Variants in RAD51B observed in about 807,000 individuals in gnomAD.
RAD51B encodes DNA repair protein RAD51 homolog 2.
In RAD51B, 38 loss-of-function variants were observed where a neutral mutation model predicts 42.2. The ratio of observed to expected loss-of-function variants is 0.90; its 90% CI spans 0.70 to 1.18. RAD51B has a LOEUF of 1.18. Among genes scored for constraint, RAD51B ranks in the 50% most tolerant of loss-of-function variants. The pLI is 0.00. For synonymous variants in RAD51B, 154 were observed against 145.2 expected (o/e 1.06, Z -0.43); for missense variants, 373 against 400.7 (o/e 0.93, Z 0.59).
At chr14:68,022,771 C>G (rs1234490887) in intron 7 of RAD51B, among the ~76,000 whole-genome samples, 1 of 151,988 alleles carries the variant, frequency 6.6e-6, no homozygotes, top group African/African-American at 2.4e-5. Flanking sequence ...AGCATAATAC[C>G]TAATAGGCAC....
At chr14:68,323,150 G>T (rs183408867) in intron 8 of RAD51B, among the ~76,000 whole-genome samples, 93 of 152,262 alleles carry the variant, frequency 6.1e-4, no homozygotes, top group Non-Finnish European at 8.5e-4. Flanking sequence ...CCAAAGACAG[G>T]AGCGCCCAGG....
intron 10 of RAD51B, among the ~76,000 whole-genome samples, chr14:68,646,120 A>C (rs955917971): frequency 1.3e-5 from 2 of 152,102 alleles, no homozygotes; most frequent in African/African-American, 4.8e-5. Context: ...ATTCCCAGGA[A>C]TGAAATTAAT....
intron 7 of RAD51B, among the ~76,000 whole-genome samples, chr14:67,946,095 T>C (rs2045381493): frequency 1.3e-5 from 2 of 152,156 alleles, no homozygotes; most frequent in Admixed American, 1.3e-4. Flanking sequence ...GAATTTGGGA[T>C]TTGAAAATCC....
chr14:68,431,219 T>G (rs900538247), intron 9 of RAD51B, among the ~76,000 whole-genome samples: 7 of 152,194 alleles, frequency 4.6e-5, no homozygotes, highest in African/African-American at 7.2e-5. Flanking sequence ...TCTCTTTTTT[T>G]GTTGTGTCTC....
chr14:68,212,723 G>C (rs2079736588), intron 7 of RAD51B, among the ~76,000 whole-genome samples: 1 of 152,194 alleles, frequency 6.6e-6, no homozygotes, highest in Non-Finnish European at 1.5e-5. Context: ...ACAGGACATT[G>C]ATCTTCAGCA....
At chr14:67,855,813 A>G (rs950400175) in intron 4 of RAD51B, among the ~76,000 whole-genome samples, 1 of 152,210 alleles carries the variant, frequency 6.6e-6, no homozygotes, top group Non-Finnish European at 1.5e-5. Context: ...GTGCCCCACA[A>G]GTTGTAACAG....
At chr14:68,092,507 T>C (rs1424338447) in intron 7 of RAD51B, among the ~76,000 whole-genome samples, 1 of 152,202 alleles carries the variant, frequency 6.6e-6, no homozygotes, top group Non-Finnish European at 1.5e-5. Context: ...GTTTGTCCGT[T>C]ATTGGTGTAT....
intron 7 of RAD51B, among the ~76,000 whole-genome samples, chr14:68,082,350 C>T (rs1290190700): frequency 2.6e-5 from 4 of 152,062 alleles, no homozygotes; most frequent in African/African-American, 4.8e-5. Context: ...CAGAGCTGTA[C>T]GTAGGAAGAA....
chr14:68,493,836 C>T (rs568298415), intron 10 of RAD51B, among the ~76,000 whole-genome samples: 23 of 152,300 alleles, frequency 1.5e-4, no homozygotes, highest in African/African-American at 4.3e-4. Context: ...AGATGTCAGG[C>T]GGGTTTTCAT....
intron 7 of RAD51B, among the ~76,000 whole-genome samples, chr14:68,028,466 C>A (rs1341883249): frequency 6.6e-6 from 1 of 152,202 alleles, no homozygotes; most frequent in Non-Finnish European, 1.5e-5. Context: ...CTCACCCCCT[C>A]AGTGCTCTGT....
At chr14:68,465,511 G>A (rs1020933434) in intron 9 of RAD51B, among the ~76,000 whole-genome samples, 2 of 152,152 alleles carry the variant, frequency 1.3e-5, no homozygotes, top group African/African-American at 4.8e-5. Flanking sequence ...GACTCTCTCA[G>A]GCTCCACTCA....
intron 7 of RAD51B, among the ~76,000 whole-genome samples, chr14:67,964,009 T>C (rs951521249): frequency 2.0e-5 from 3 of 152,004 alleles, no homozygotes; most frequent in African/African-American, 7.2e-5. Context: ...TACAGCCAAC[T>C]GAAATGAATG....
At chr14:68,298,918 A>C (rs17193284) in intron 8 of RAD51B, among the ~76,000 whole-genome samples, 9,220 of 152,282 alleles carry the variant, frequency 0.061, 395 homozygotes, top group Non-Finnish European at 0.091. Flanking sequence ...AAGCGTCTTC[A>C]GAATGCATTT....
intron 7 of RAD51B, among the ~76,000 whole-genome samples, chr14:68,253,560 AT>A (rs1213218321): frequency 1.2e-4 from 19 of 152,168 alleles, no homozygotes; most frequent in African/African-American, 4.6e-4. Context: ...AAAGTCTTAC[AT>A]TTTTTGTATA....
chr14:68,355,133 A>T (rs2082874226), intron 8 of RAD51B, among the ~76,000 whole-genome samples: 1 of 152,148 alleles, frequency 6.6e-6, no homozygotes, highest in African/African-American at 2.4e-5. Flanking sequence ...TACTGTAGAG[A>T]TGGCACTCTT....
chr14:68,194,076 A>G (rs529501763), intron 7 of RAD51B, among the ~76,000 whole-genome samples: 1 of 152,328 alleles, frequency 6.6e-6, no homozygotes, highest in African/African-American at 2.4e-5. Context: ...TATGAGTTAC[A>G]CTTTTTTCCT....
In RAD51B at chr14:67,885,850, C is replaced by G; in HGVS notation, c.453-19C>G. The G allele has an allele frequency of 6.3e-7, 1 of 1,577,670 alleles. No homozygotes were observed. ...GTAGAATTGACTGTTTTCGTTTGTG[C>G]TATTTTTTTCACCCACAGACTGGTT... is the stretch of plus-strand genomic sequence containing the variant. On this transcript the variant is annotated intron_variant, in intron 5 of 10. Coordinates refer to ENST00000471583, the MANE Select transcript of RAD51B (RefSeq NM_133510.4).
At chr14:67,881,991 A>G (rs2042922326) in intron 5 of RAD51B, among the ~76,000 whole-genome samples, 2 of 152,144 alleles carry the variant, frequency 1.3e-5, no homozygotes, top group Admixed American at 1.3e-4. Context: ...TTTTTTAGAC[A>G]GGTTCTCACC....
chr14:67,885,527 A>G (rs1381362642), intron 5 of RAD51B, among the ~76,000 whole-genome samples: 2 of 152,262 alleles, frequency 1.3e-5, no homozygotes, highest in Non-Finnish European at 2.9e-5. Flanking sequence ...CAAGAAAATG[A>G]AAGCATTCTT....
Sources: gnomAD v4.1 joint callset for allele counts (sites outside exome capture counted in the v4.1 genomes callset) on GRCh38, gnomAD v4.1.1 for gene constraint, MANE v1.5 for transcripts, NCBI Gene and HGNC (gene_info 2026-07-23, HGNC 2026-07-21) for gene names.